Variants in PDE6B observed in about 807,000 individuals in gnomAD.
PDE6B encodes phosphodiesterase 6B.
In PDE6B, 106 loss-of-function variants were observed where a neutral mutation model predicts 109.0. The observed-to-expected ratio is 0.97, with a 90% CI of 0.83 to 1.14. PDE6B has a LOEUF of 1.14. Ranked by LOEUF, PDE6B falls within the 50% of genes most tolerant of loss-of-function variation. The pLI, the probability that PDE6B is intolerant of heterozygous loss-of-function variation, is 0.00. For synonymous variants in PDE6B, 490 were observed against 471.3 expected (o/e 1.04, Z -0.51); for missense variants, 1,193 against 1,155.6 (o/e 1.03, Z -0.47).
chr4:667,828 C>A, intron 20 of PDE6B, 28 bp from the exon 21 acceptor site: 1 of 1,609,638 alleles, frequency 6.2e-7, no homozygotes, highest in Non-Finnish European at 8.5e-7. Context: ...CAGGACAGGA[C>A]TGGTGGTGAC....
rs1400957482 is a variant in PDE6B at position 662,554 on chromosome 4, A to G, written c.1768A>G (p.Met590Val). The G allele has an allele frequency of 5.0e-6, 8 of 1,613,086 alleles. No individual in the cohort carries two copies. Among genetic ancestry groups the G allele is most frequent in the Non-Finnish European group, 5.9e-6 (7 of 1,179,944 alleles). The change falls in exon 14 of 22, where the codon ATG becomes GTG. Residue 590 changes from methionine (M) to valine (V), a missense_variant. Physicochemically the swap from Met to Val is conservative, Grantham distance 21 (BLOSUM62 1). Coordinates refer to ENST00000496514, the MANE Select transcript of PDE6B (RefSeq NM_000283.4). This position sits in a 1 kb window ranked among gnomAD's most constrained non-coding sequence, Gnocchi z 4.3. ...SYYTDLEAFA[M>V]VTAGLCHDID... ...CTACACGGACCTGGAGGCCTTCGCC[A>G]TGGTGACAGCCGGCCTGTGCCATGA... is the stretch of plus-strand genomic sequence containing the variant.
intron 3 of PDE6B, among the ~76,000 whole-genome samples, chr4:650,690 G>A (rs570192772): frequency 6.6e-6 from 1 of 152,330 alleles, no homozygotes; most frequent in South Asian, 2.1e-4. Flanking sequence ...GAGGGCTGGC[G>A]TCTGGAGGCT....
intron 12 of PDE6B, 102 bp downstream of exon 12, chr4:660,715 A>T: frequency 9.7e-7 from 1 of 1,029,364 alleles, no homozygotes; most frequent in Non-Finnish European, 1.5e-6. Context: ...GGTGAGGGGG[A>T]TGGGATTGGG....
At chr4:667,690 G>GGC (rs2109282743) in intron 20 of PDE6B, among the ~76,000 whole-genome samples, 166 bp from the exon 21 acceptor site, 1 of 152,348 alleles carries the variant, frequency 6.6e-6, no homozygotes, top group Admixed American at 6.5e-5. Context: ...AGCCCCCGAG[G>GGC]TTTCTCCCTT....
At position 657,028 on chromosome 4, in the gene PDE6B, G is replaced by A. The variant is rs1457857700; in HGVS notation, c.1257+5G>A. The A allele has an allele frequency of 6.2e-7, 1 of 1,612,834 alleles. No homozygotes were observed. On this transcript the variant is annotated splice_donor_5th_base_variant and intron_variant, in intron 9 of 21. Transcript: ENST00000496514. The stretch of plus-strand genomic sequence containing the variant: ...CAGGACGAGGTTCTCATGGAGGTAA[G>A]CACCTGGGCAGACGTGGTTCCGCCG...
intron 21 of PDE6B, 45 bp downstream of exon 21, chr4:668,051 C>A: frequency 6.3e-7 from 1 of 1,576,914 alleles, no homozygotes; most frequent in South Asian, 1.1e-5. Context: ...GGTGACTCTC[C>A]CAAGGCAAAA....
intron 3 of PDE6B, among the ~76,000 whole-genome samples, chr4:650,288 T>G (rs1029617032): frequency 3.3e-5 from 5 of 152,194 alleles, no homozygotes; most frequent in African/African-American, 9.7e-5. Flanking sequence ...TCGAGACAAT[T>G]CACGTAAGAA....
chr4:635,804 C>A, intron 2 of PDE6B, 76 bp from the exon 3 acceptor site: 1 of 820,542 alleles, frequency 1.2e-6, no homozygotes, highest in South Asian at 1.4e-5. Context: ...GAGCATGTTT[C>A]TCCTGCAAAA....
intron 11 of PDE6B, among the ~76,000 whole-genome samples, chr4:660,146 G>A (rs1321261083): frequency 5.3e-5 from 8 of 152,130 alleles, no homozygotes; most frequent in Admixed American, 6.5e-5. Context: ...CCTGTGTCAC[G>A]TGTGTCTGTA....
intron 3 of PDE6B, among the ~76,000 whole-genome samples, chr4:638,282 T>C (rs553783973): frequency 6.6e-6 from 1 of 152,354 alleles, no homozygotes; most frequent in African/African-American, 2.4e-5. Context: ...CCCTGTTTGA[T>C]GGGGTTGTGT....
rs901567288 is a variant in PDE6B at position 636,903 on chromosome 4, G to A, written c.711+934G>A. Among the ~76,000 whole-genome samples the A allele has an allele frequency of 2.6e-5, 4 of 152,222 alleles. No homozygotes were observed. The highest frequency in any genetic ancestry group is 2.0e-4 in the Admixed American group (3 of 15,290). On this transcript the variant is annotated intron_variant, in intron 3 of 21. Transcript: ENST00000496514. The surrounding 1 kb of genome is among the most constrained non-coding windows in gnomAD (Gnocchi z 4.5). ...GTGGACACCTGTGAGAAAACCCCCC[G>A]GAGGGAAGTCTCAGCCCCAATCCAA...
Position 655,283 on chromosome 4 carries a change from G to C in PDE6B, c.992+395G>C, listed in dbSNP as rs1369712667. 6.4e-6 allele frequency: 2 copies of C among 314,738 alleles called. 1 individual carries two copies. Among genetic ancestry groups the C allele is most frequent in the Non-Finnish European group, 1.2e-5 (2 of 163,628 alleles). The allele number at this position is 314,738 out of a possible 1,614,324, so 19.5% of individuals were successfully genotyped here. On this transcript the variant is annotated intron_variant, in intron 6 of 21. Transcript: ENST00000496514. ...GCCTCCAGCCAGGAGGCCGAGTCTT[G>C]GCCCCGTGGGGCTGGAAGAGGAGGG...
intron 1 of PDE6B, among the ~76,000 whole-genome samples, chr4:627,573 G>C (rs372323654): frequency 3.0e-4 from 45 of 152,158 alleles, no homozygotes; most frequent in African/African-American, 9.9e-4. Context: ...CAAATCAATC[G>C]TGCATCAGGA....
rs62295357 is a variant in PDE6B at position 635,913 on chromosome 4, T to C, written c.655T>C (p.Tyr219His). 6.6e-3 allele frequency: 10,589 copies of C among 1,606,172 alleles called. 52 individuals are homozygous for C. The highest frequency in any genetic ancestry group is 8.2e-3 in the Non-Finnish European group (9,605 of 1,172,698). Reference sequence around the variant, plus strand: ...GAAGTACCTGAATTTTGCCACGTTGTACCTGAAGATCTATCACCTGAGCTA... The same window carrying C: ...GAAGTACCTGAATTTTGCCACGTTGCACCTGAAGATCTATCACCTGAGCTA... ...FLKYLNFATL[Y>H]LKIYHLSYLH... Residue 219 changes from tyrosine (Y) to histidine (H), a missense_variant, in exon 3 of 22, where the codon TAC becomes CAC. Coordinates refer to ENST00000496514, the MANE Select transcript of PDE6B (RefSeq NM_000283.4).
rs1234781906 is a variant in PDE6B at position 665,010 on chromosome 4, C to T, written c.2193+66C>T. 6.2e-6 allele frequency: 8 copies of T among 1,293,232 alleles called. No individual in the cohort carries two copies. The highest frequency in any genetic ancestry group is 4.6e-5 in the East Asian group (2 of 43,316). 80.1% of individuals were successfully genotyped at this position (1,293,232 alleles called of 1,614,324 possible). A position where few individuals can be genotyped will look rare whatever the true frequency, so the allele number is the denominator to read the frequency against. The stretch of plus-strand genomic sequence containing the variant: ...TCAGCACATGGGACTGCCGGGCGGG[C>T]GGGAGCCTCGGATGGCAACGGACCA... On this transcript the variant is annotated intron_variant, in intron 18 of 21. Coordinates refer to ENST00000496514, the MANE Select transcript of PDE6B (RefSeq NM_000283.4). The surrounding 1 kb of genome is among the most constrained non-coding windows in gnomAD (Gnocchi z 4.0).
At chr4:642,116 G>A (rs116807918) in intron 3 of PDE6B, among the ~76,000 whole-genome samples, 53 of 152,306 alleles carry the variant, frequency 3.5e-4, no homozygotes, top group African/African-American at 1.2e-3. Context: ...GGTGAGAGGA[G>A]GGAGATATCT....
rs1203718269 is a variant in PDE6B, at chr4:666,493, C to T, written c.2269-38C>T. The T allele has an allele frequency of 2.1e-6, 3 of 1,455,668 alleles. No homozygotes were observed. The highest frequency in any genetic ancestry group is 1.7e-4 in the Middle Eastern group (1 of 5,732). 90.2% of individuals were successfully genotyped at this position (1,455,668 alleles called of 1,614,324 possible). A position where few individuals can be genotyped will look rare whatever the true frequency, so the allele number is the denominator to read the frequency against. Reference sequence around the variant, plus strand: ...GGGCGGGGCCCCAGGAGCTGCCTCCCTGGTCACTGTTCTCCCGCCCTCTGT... The same window carrying T: ...GGGCGGGGCCCCAGGAGCTGCCTCCTTGGTCACTGTTCTCCCGCCCTCTGT... On this transcript the variant is annotated intron_variant, in intron 19 of 21. Transcript: ENST00000496514. The surrounding 1 kb of genome is among the most constrained non-coding windows in gnomAD (Gnocchi z 5.6).
Position 626,063 on chromosome 4 carries a change from A to G in PDE6B, c.437A>G (p.Lys146Arg), listed in dbSNP as rs1158037802. Residue 146 changes from lysine (K) to arginine (R), a missense_variant, in exon 1 of 22, where the codon AAA becomes AGA. Physicochemically the swap from Lys to Arg is conservative, Grantham distance 26. Coordinates refer to ENST00000496514, the MANE Select transcript of PDE6B (RefSeq NM_000283.4). This position sits in a 1 kb window ranked among gnomAD's most constrained non-coding sequence, Gnocchi z 4.6. ...GTCGTGGGCCACGTGGCTCAGACCA[A>G]AAAGATGGTGAACGTCGAGGACGTG... ...IGVVGHVAQTKKMVNVEDVAE... is the reference protein window; with the variant it reads ...IGVVGHVAQTRKMVNVEDVAE... The G allele has an allele frequency of 5.0e-6, 8 of 1,596,448 alleles. No individual in the cohort carries two copies. In the South Asian group the frequency reaches 6.8e-5, roughly 14 times the overall value.
Position 635,693 on chromosome 4 carries a change from GAGAT to G in PDE6B, c.622-184_622-181del, listed in dbSNP as rs544289909. Among the ~76,000 whole-genome samples, 36 of 152,362 alleles carry G rather than the reference GAGAT, an allele frequency of 2.4e-4. 1 individual carries two copies. The South Asian group carries it at 7.2e-3, about 31-fold the overall frequency. Reference sequence around the variant, plus strand: ...CACACCTGTCTGTGTGTAAGAGAGAGAGATAGCTTGCGTGCCCACCCTGTGCACC... The same window carrying G: ...CACACCTGTCTGTGTGTAAGAGAGAGAGCTTGCGTGCCCACCCTGTGCACC... On this transcript the variant is annotated intron_variant, in intron 2 of 21. Coordinates refer to ENST00000496514, the MANE Select transcript of PDE6B (RefSeq NM_000283.4).
Sources: allele counts gnomAD v4.1 joint callset (sites outside exome capture counted in the v4.1 genomes callset), GRCh38; gene constraint gnomAD v4.1.1; non-coding constraint Gnocchi (gnomAD v3.1); transcripts MANE v1.5; gene names NCBI Gene and HGNC (gene_info 2026-07-23, HGNC 2026-07-21).